ABI3BP: variants seen among roughly 807,000 people sequenced by gnomAD.
ABI3BP encodes target of Nesh-SH3.
In ABI3BP, 216 loss-of-function variants were observed where a neutral mutation model predicts 268.6. That is an observed-to-expected ratio of 0.80 (90% CI 0.72 to 0.90). The LOEUF (loss-of-function observed/expected upper bound fraction) is 0.90. Ranked by LOEUF, ABI3BP falls within the 40% of genes least tolerant of loss-of-function variation. The pLI is 0.00. For synonymous variants in ABI3BP, 730 were observed against 730.0 expected, an observed-to-expected ratio of 1.00 and a Z score of 0.00; for missense variants, 2,090 against 2,182.4, an observed-to-expected ratio of 0.96 and a Z score of 0.84.
At chr3:100,753,030 C>G in intron 65 of ABI3BP, 82 bp from the exon 66 acceptor site, 1 of 1,334,456 alleles carries the variant, frequency 7.5e-7, no homozygotes, top group Non-Finnish European at 1.0e-6. Flanking sequence ...AATTTGTCAA[C>G]TTGCTGATAC....
At chr3:100,783,279 A>C (rs1055117762) in intron 57 of ABI3BP, among the ~76,000 whole-genome samples, 4 of 152,186 alleles carry the variant, frequency 2.6e-5, no homozygotes, top group Non-Finnish European at 4.4e-5. Context: ...CACATTCCTC[A>C]GCCTGAGGGG....
chr3:100,840,732 T>A, intron 22 of ABI3BP, 88 bp downstream of exon 22: 1 of 1,124,774 alleles, frequency 8.9e-7, no homozygotes, highest in Non-Finnish European at 1.3e-6. Flanking sequence ...GACATTAATG[T>A]ATTAATTCAT....
At chr3:100,864,312 A>ATGCTGC in intron 11 of ABI3BP, 1 of 503,716 alleles carries the variant, frequency 2.0e-6, no homozygotes. Context: ...AACAAAACAC[A>ATGCTGC]TGCTGCTCCT....
intron 1 of ABI3BP, among the ~76,000 whole-genome samples, chr3:100,949,937 A>G (rs987681728): frequency 6.6e-6 from 1 of 152,194 alleles, no homozygotes; most frequent in Non-Finnish European, 1.5e-5. Context: ...TAATTTATTT[A>G]CTATCCAAAT....
At chr3:100,946,280 A>G (rs2072219282) in intron 1 of ABI3BP, among the ~76,000 whole-genome samples, 1 of 151,208 alleles carries the variant, frequency 6.6e-6, no homozygotes, top group Non-Finnish European at 1.5e-5. Flanking sequence ...CTGAGGCAGG[A>G]GAATTGCTTG....
intron 1 of ABI3BP, among the ~76,000 whole-genome samples, chr3:100,983,608 C>T (rs888387394): frequency 1.3e-5 from 2 of 152,166 alleles, no homozygotes; most frequent in Non-Finnish European, 1.5e-5. Context: ...AGAATTAACA[C>T]ACCAACAGTT....
intron 29 of ABI3BP, among the ~76,000 whole-genome samples, chr3:100,833,938 T>A (rs565773028): frequency 1.3e-5 from 2 of 152,272 alleles, no homozygotes; most frequent in East Asian, 1.9e-4. Context: ...TTTATATGAT[T>A]CCTACCCATC....
At chr3:100,984,370 G>C (rs2153969732) in intron 1 of ABI3BP, among the ~76,000 whole-genome samples, 1 of 152,228 alleles carries the variant, frequency 6.6e-6, no homozygotes, top group South Asian at 2.1e-4. Context: ...ATGTGACTTA[G>C]GCCTCAATTT....
At chr3:100,959,489 CAAAAAAA>C (rs35465693) in intron 1 of ABI3BP, among the ~76,000 whole-genome samples, 3 of 36,092 alleles carry the variant, frequency 8.3e-5, no homozygotes, top group Admixed American at 3.1e-4. Context: ...GACTCCGTCT[CAAAAAAA>C]AAAAAAAAAA....
chr3:100,773,991 G>C (rs1334527408), intron 61 of ABI3BP, among the ~76,000 whole-genome samples: 2 of 152,076 alleles, frequency 1.3e-5, no homozygotes, highest in African/African-American at 4.8e-5. Flanking sequence ...ACTTTTGGAA[G>C]TTATATATGG....
chr3:100,808,234 A>C lies in ABI3BP; in HGVS notation c.3609T>G (p.Ala1203=), dbSNP rs776376612. The C allele has an allele frequency of 6.2e-7, 1 of 1,607,076 alleles. No homozygotes were observed. Among genetic ancestry groups the C allele is most frequent in the Non-Finnish European group, 8.5e-7 (1 of 1,176,726 alleles). ...GAGGAGCACGTGGTGTCTGCTTGGG[A>C]GCTAAAAGAAAGGATATAGGTTCGG... The part of the protein sequence containing the change: ...PSPDEPQTEP[A]PKQTPRAPPK... Residue 1203 remains alanine (A), a splice_region_variant and synonymous_variant, in exon 50 of 68, where the codon GCT becomes GCG. Coordinates refer to ENST00000471714, the MANE Select transcript of ABI3BP (RefSeq NM_001375547.2).
In ABI3BP at chr3:100,875,536, T is replaced by A. The variant is rs757322969; in HGVS notation, c.789A>T (p.Glu263Asp). The A allele has an allele frequency of 7.1e-5, 115 of 1,613,364 alleles. No individual in the cohort carries two copies. Among genetic ancestry groups the A allele is most frequent in the Non-Finnish European group, 9.4e-5 (111 of 1,179,318 alleles). The change falls in exon 8 of 68, where the codon GAA becomes GAT. Residue 263 changes from glutamate (E) to aspartate (D), a missense_variant. Coordinates refer to ENST00000471714, the MANE Select transcript of ABI3BP (RefSeq NM_001375547.2). ...VTHKDSAKSP[E>D]KAPLGGVILV... ...GTATCACTCCTCCCAGTGGAGCTTT[T>A]TCTGGGGATTTAGCTGAATCCTTGT...
intron 4 of ABI3BP, among the ~76,000 whole-genome samples, chr3:100,896,459 G>A (rs1342079935): frequency 6.6e-6 from 1 of 152,178 alleles, no homozygotes; most frequent in Non-Finnish European, 1.5e-5. Context: ...AGGCTTGAGA[G>A]CGGGAGGAAG....
intron 3 of ABI3BP, among the ~76,000 whole-genome samples, chr3:100,899,164 A>G (rs370211145): frequency 6.6e-6 from 1 of 152,252 alleles, no homozygotes; most frequent in South Asian, 2.1e-4. Flanking sequence ...ACACATATTA[A>G]CAATATCCAG....
At chr3:100,913,902 TA>T (rs1271333338) in intron 2 of ABI3BP, among the ~76,000 whole-genome samples, 1 of 152,202 alleles carries the variant, frequency 6.6e-6, no homozygotes, top group Non-Finnish European at 1.5e-5. Context: ...CATGTACCTC[TA>T]AACATGGAAA....
chr3:100,822,485 C>A (rs1303129262), intron 38 of ABI3BP, 104 bp downstream of exon 38: 1 of 931,764 alleles, frequency 1.1e-6, no homozygotes, highest in Non-Finnish European at 1.6e-6. Flanking sequence ...TTGTAGCTTC[C>A]CTCTCACAGG....
At chr3:100,788,374 A>T (rs556840284) in intron 56 of ABI3BP, among the ~76,000 whole-genome samples, 77 of 152,238 alleles carry the variant, frequency 5.1e-4, no homozygotes, top group African/African-American at 1.7e-3. Flanking sequence ...GATCTATTTT[A>T]TAACCCATTT....
chr3:100,812,734 TAC>T (rs142785179), intron 45 of ABI3BP, among the ~76,000 whole-genome samples: 20,474 of 152,014 alleles, frequency 0.13, 1,786 homozygotes, highest in South Asian at 0.26. Context: ...TCAACATGAG[TAC>T]CAAAATGTCA....
chr3:100,907,504 A>C (rs2053982087), intron 2 of ABI3BP, among the ~76,000 whole-genome samples: 1 of 152,056 alleles, frequency 6.6e-6, no homozygotes, highest in Non-Finnish European at 1.5e-5. Context: ...GGGGGGAATA[A>C]AAGCTGTAAC....
Sources: allele counts gnomAD v4.1 joint callset (sites outside exome capture counted in the v4.1 genomes callset), GRCh38; gene constraint gnomAD v4.1.1; transcripts MANE v1.5; gene names NCBI Gene and HGNC (gene_info 2026-07-23, HGNC 2026-07-21).